KDM4C: variants seen among roughly 807,000 people sequenced by gnomAD.
KDM4C encodes lysine demethylase 4C.
KDM4C carries 81 observed loss-of-function variants against 129.3 expected under a neutral mutation model. The observed-to-expected ratio is 0.63, with a 90% CI of 0.52 to 0.75. The LOEUF (loss-of-function observed/expected upper bound fraction) is 0.75. KDM4C is among the 30% of genes least tolerant of loss of function. KDM4C has a pLI of 0.00. For missense variants in KDM4C, 1,457 were observed against 1,304.0 expected, an observed-to-expected ratio of 1.12 and a Z score of -1.81; for synonymous variants, 573 against 456.1, an observed-to-expected ratio of 1.26 and a Z score of -3.26.
At chr9:6,836,843 G>T (rs1835968911) in intron 4 of KDM4C, among the ~76,000 whole-genome samples, 1 of 150,818 alleles carries the variant, frequency 6.6e-6, no homozygotes, top group African/African-American at 2.4e-5. Flanking sequence ...TTTTTATTCT[G>T]CTGCCAGTGA....
chr9:7,152,752 T>C (rs1842834821), intron 19 of KDM4C, among the ~76,000 whole-genome samples: 1 of 152,186 alleles, frequency 6.6e-6, no homozygotes, highest in Non-Finnish European at 1.5e-5. Context: ...CAAAATGCTG[T>C]GGAAGGAGGC....
intron 1 of KDM4C, among the ~76,000 whole-genome samples, chr9:6,739,489 A>G (rs2988413): frequency 6.6e-6 from 1 of 151,812 alleles, no homozygotes; most frequent in African/African-American, 2.4e-5. Context: ...CTAAGGCTTC[A>G]CTCCTGGACA....
chr9:6,822,210 A>G (rs565649280), intron 4 of KDM4C, among the ~76,000 whole-genome samples: 1 of 152,228 alleles, frequency 6.6e-6, no homozygotes, highest in South Asian at 2.1e-4. Context: ...TGCATATTAT[A>G]TATTTGTGCA....
At chr9:6,802,209 A>G (rs1017461566) in intron 2 of KDM4C, among the ~76,000 whole-genome samples, 20 of 152,176 alleles carry the variant, frequency 1.3e-4, no homozygotes, top group African/African-American at 4.3e-4. Flanking sequence ...CTTGAGTACC[A>G]TTGTACACTT....
intron 15 of KDM4C, among the ~76,000 whole-genome samples, chr9:7,020,998 G>A (rs745871455): frequency 6.7e-6 from 1 of 148,732 alleles, no homozygotes; most frequent in Non-Finnish European, 1.5e-5. Context: ...CCTAGCCTCT[G>A]GTAACCATCC....
intron 18 of KDM4C, among the ~76,000 whole-genome samples, chr9:7,124,208 G>A (rs1261821662): frequency 6.6e-6 from 1 of 152,158 alleles, no homozygotes; most frequent in Non-Finnish European, 1.5e-5. Flanking sequence ...CCCACACATT[G>A]TCCCCTTGGA....
chr9:6,873,941 C>CGAGAGA (rs61477112), intron 5 of KDM4C, among the ~76,000 whole-genome samples: 1,792 of 132,074 alleles, frequency 0.014, 18 homozygotes, highest in African/African-American at 0.027. Flanking sequence ...TGAGAGAGAG[C>CGAGAGA]GAGAGAGAGA....
In KDM4C at chr9:7,127,945, T is replaced by A. The variant is rs182940307; in HGVS notation, c.2611-121T>A. 1,754 of 727,592 alleles carry A rather than the reference T, an allele frequency of 2.4e-3. 17 individuals carry two copies. The African/African-American group carries it at 0.026, about 11-fold the overall frequency. The allele number at this position is 727,592 out of a possible 1,614,324, so 45.1% of individuals were successfully genotyped here. A position where few individuals can be genotyped will look rare whatever the true frequency, so the allele number is the denominator to read the frequency against. On this transcript the variant is annotated intron_variant, in intron 18 of 21. Transcript: ENST00000381309. Reference sequence around the variant, plus strand: ...TTATTCTTCAATATTAAGTTAAAAATTTTTTTTTTAAATCTTGGCCAAATA... The same window carrying A: ...TTATTCTTCAATATTAAGTTAAAAAATTTTTTTTTAAATCTTGGCCAAATA...
chr9:6,978,478 A>G (rs1833305976), intron 8 of KDM4C: 1 of 152,142 alleles, frequency 6.6e-6, no homozygotes, highest in South Asian at 2.1e-4. Flanking sequence ...CTTACGACAC[A>G]TGGTGGCATG....
chr9:6,811,953 A>T (rs1372976768), intron 3 of KDM4C, among the ~76,000 whole-genome samples: 2 of 152,224 alleles, frequency 1.3e-5, no homozygotes, highest in Non-Finnish European at 2.9e-5. Context: ...TCCATTAGGA[A>T]GGACTCTGAT....
chr9:6,767,230 C>T (rs1233812918), intron 1 of KDM4C, among the ~76,000 whole-genome samples: 2 of 152,068 alleles, frequency 1.3e-5, no homozygotes, highest in African/African-American at 2.4e-5. Context: ...GCTCCGCCTC[C>T]TGGGTTCACG....
chr9:6,925,660 G>C (rs1278201865), intron 8 of KDM4C: 2 of 984,734 alleles, frequency 2.0e-6, no homozygotes, highest in South Asian at 4.7e-5. Flanking sequence ...GAAAGATGCT[G>C]TTCGGAGAAC....
intron 6 of KDM4C, among the ~76,000 whole-genome samples, chr9:6,882,584 G>C (rs1588909518): frequency 6.6e-6 from 1 of 152,208 alleles, no homozygotes; most frequent in East Asian, 1.9e-4. Flanking sequence ...AGTTTTGAAA[G>C]TGTGAACAAT....
intron 15 of KDM4C, among the ~76,000 whole-genome samples, chr9:7,025,485 A>G (rs1320724633): frequency 6.6e-6 from 1 of 152,002 alleles, no homozygotes. Flanking sequence ...TTGTGGTATG[A>G]TTTAATTTCT....
chr9:7,038,103 C>T (rs1170862437), intron 15 of KDM4C, among the ~76,000 whole-genome samples: 3 of 151,926 alleles, frequency 2.0e-5, no homozygotes, highest in Non-Finnish European at 4.4e-5. Context: ...ATCATAGGTG[C>T]CGTTTTAAAT....
intron 5 of KDM4C, 28 bp downstream of exon 5, chr9:6,849,728 C>G (rs745746025): frequency 6.0e-6 from 9 of 1,502,898 alleles, no homozygotes. Flanking sequence ...TATTCATTTA[C>G]TTTGGAGTTT....
chr9:6,803,581 A>G (rs1374851440), intron 2 of KDM4C, among the ~76,000 whole-genome samples: 1 of 151,672 alleles, frequency 6.6e-6, no homozygotes, highest in Non-Finnish European at 1.5e-5. Flanking sequence ...AAAAAAAAAA[A>G]AAAAGTTTGT....
intron 5 of KDM4C, among the ~76,000 whole-genome samples, chr9:6,850,438 A>T (rs1838630070): frequency 6.6e-6 from 1 of 151,400 alleles, no homozygotes; most frequent in South Asian, 2.1e-4. Context: ...TCCTCTAATT[A>T]TTTTTATTTT....
Position 7,015,877 on chromosome 9 carries a change from A to T in KDM4C, c.2207A>T (p.Glu736Val). The change falls in exon 15 of 22, where the codon GAG becomes GTG. Residue 736 changes from glutamate (E) to valine (V), a missense_variant. Coordinates refer to ENST00000381309, the MANE Select transcript of KDM4C (RefSeq NM_015061.6). ...GGTTGTTATGGTATTCCTTCTCATG[A>T]GATCTGTGATGGATGGCTGTGTGCC... ...HASCYGIPSHEICDGWLCARC... is the reference protein window; with the variant it reads ...HASCYGIPSHVICDGWLCARC... 1 of 1,612,574 alleles carries T rather than the reference A, an allele frequency of 6.2e-7. No homozygotes were observed.
Sources: allele counts gnomAD v4.1 joint callset (sites outside exome capture counted in the v4.1 genomes callset), GRCh38; gene constraint gnomAD v4.1.1; transcripts MANE v1.5; gene names NCBI Gene and HGNC (gene_info 2026-07-23, HGNC 2026-07-21).